MPPED2: variants seen among roughly 807,000 people sequenced by gnomAD.
The protein encoded by MPPED2 is metallophosphoesterase MPPED2.
Under a neutral mutation model 33.0 loss-of-function variants are expected in MPPED2, and 5 were observed. That is an observed-to-expected ratio of 0.15 (90% CI 0.08 to 0.32). MPPED2 has a LOEUF of 0.32. Ranked by LOEUF, MPPED2 falls within the 10% of genes least tolerant of loss-of-function variation. MPPED2 has a pLI of 1.00. For synonymous variants in MPPED2, 136 were observed against 141.9 expected (o/e 0.96, Z 0.29); for missense variants, 275 against 372.1 (o/e 0.74, Z 2.15).
At chr11:30,514,631 CAAGCA>C (rs1953421188) in intron 3 of MPPED2, among the ~76,000 whole-genome samples, 1 of 152,118 alleles carries the variant, frequency 6.6e-6, no homozygotes, top group South Asian at 2.1e-4. Flanking sequence ...GTGTTTCAAC[CAAGCA>C]AAGCTTTTTG....
intron 1 of MPPED2, among the ~76,000 whole-genome samples, chr11:30,582,351 G>A (rs1247011862): frequency 1.3e-5 from 2 of 152,202 alleles, no homozygotes; most frequent in African/African-American, 4.8e-5. Flanking sequence ...CACATTTTCA[G>A]ACTGTGAGAA....
chr11:30,523,185 A>G (rs1311178585), intron 3 of MPPED2, among the ~76,000 whole-genome samples: 1 of 152,214 alleles, frequency 6.6e-6, no homozygotes, highest in Non-Finnish European at 1.5e-5. Context: ...TAGTGAGTCC[A>G]GTGATAGACT....
At chr11:30,579,346 T>C (rs1957067067) in intron 2 of MPPED2, among the ~76,000 whole-genome samples, 1 of 152,164 alleles carries the variant, frequency 6.6e-6, no homozygotes, top group Non-Finnish European at 1.5e-5. Context: ...CCTTTCTATC[T>C]TGACTATACA....
At chr11:30,488,669 C>A (rs1030751928) in intron 4 of MPPED2, among the ~76,000 whole-genome samples, 15 of 152,156 alleles carry the variant, frequency 9.9e-5, no homozygotes, top group African/African-American at 3.4e-4. Context: ...GAATCTGATC[C>A]GGGCTTTAAG....
intron 3 of MPPED2, among the ~76,000 whole-genome samples, chr11:30,498,277 C>T (rs577854306): frequency 8.0e-4 from 122 of 152,074 alleles, no homozygotes; most frequent in Middle Eastern, 3.4e-3. Flanking sequence ...AAAATCCTTG[C>T]TCTGAATGAC....
chr11:30,412,021 G>C (rs1430248865), intron 6 of MPPED2, among the ~76,000 whole-genome samples: 1 of 151,752 alleles, frequency 6.6e-6, no homozygotes, highest in African/African-American at 2.4e-5. Flanking sequence ...GCAGGTGAGG[G>C]GGGAAAGGAT....
chr11:30,463,610 C>G (rs949456238), intron 4 of MPPED2, among the ~76,000 whole-genome samples: 1 of 152,116 alleles, frequency 6.6e-6, no homozygotes, highest in Non-Finnish European at 1.5e-5. Context: ...AGACAGCATG[C>G]CTGAGGATGG....
intron 4 of MPPED2, among the ~76,000 whole-genome samples, chr11:30,492,574 C>T (rs561583388): frequency 6.6e-6 from 1 of 152,260 alleles, no homozygotes; most frequent in South Asian, 2.1e-4. Flanking sequence ...TGCTCTGTCT[C>T]CTGCCCTTTA....
chr11:30,573,369 C>T (rs934900578), intron 2 of MPPED2, among the ~76,000 whole-genome samples: 2 of 152,132 alleles, frequency 1.3e-5, no homozygotes, highest in Non-Finnish European at 2.9e-5. Flanking sequence ...ATGACTCTAT[C>T]ACTGGTTTGC....
intron 4 of MPPED2, among the ~76,000 whole-genome samples, chr11:30,470,324 A>G (rs189396464): frequency 4.8e-4 from 73 of 152,290 alleles, no homozygotes; most frequent in East Asian, 2.9e-3. Context: ...TGAAGAATAT[A>G]TAAATTATAG....
At chr11:30,494,670 G>C (rs1394201563) in intron 4 of MPPED2, among the ~76,000 whole-genome samples, 1 of 140,194 alleles carries the variant, frequency 7.1e-6, no homozygotes, top group Non-Finnish European at 1.5e-5. Context: ...CCCAGGAGGC[G>C]GAGGTTGCAG....
chr11:30,501,698 A>T (rs1359555161), intron 3 of MPPED2: 1 of 712,992 alleles, frequency 1.4e-6, no homozygotes, highest in African/African-American at 1.9e-5. Flanking sequence ...AGGTGGGGTT[A>T]TTCTTCTATG....
intron 2 of MPPED2, among the ~76,000 whole-genome samples, chr11:30,577,158 C>T (rs548346833): frequency 4.6e-5 from 7 of 152,284 alleles, no homozygotes; most frequent in African/African-American, 1.7e-4. Context: ...CCTTAACCAT[C>T]ATTTGGTGCA....
At chr11:30,470,986 T>C (rs185202108) in intron 4 of MPPED2, among the ~76,000 whole-genome samples, 1 of 152,136 alleles carries the variant, frequency 6.6e-6, no homozygotes, top group Admixed American at 6.5e-5. Context: ...CCTGAGAAAA[T>C]CATCAAACGT....
rs140461615 is a variant in MPPED2, at chr11:30,451,795, C to T, written c.537-34162G>A. The T allele has an allele frequency of 1.6e-5, 16 of 985,238 alleles. No homozygotes were observed. The African/African-American group carries it at 1.9e-4, about 12-fold the overall frequency. The allele number at this position is 985,238 out of a possible 1,614,324, so 61.0% of individuals were successfully genotyped here. A position where few individuals can be genotyped will look rare whatever the true frequency, so the allele number is the denominator to read the frequency against. ...GGGAGGGGACATTTTCAGGTGTCTG[C>T]GAATGACTGCAGATTAATTTCACTG... On this transcript the variant is annotated intron_variant, in intron 4 of 6. Coordinates refer to ENST00000358117, the MANE Select transcript of MPPED2 (RefSeq NM_001584.3).
chr11:30,478,893 C>T lies in MPPED2; in HGVS notation c.536+16403G>A, dbSNP rs549636697. On this transcript the variant is annotated intron_variant, in intron 4 of 6. Coordinates refer to ENST00000358117, the MANE Select transcript of MPPED2 (RefSeq NM_001584.3). ...GTGTTGTGGGTTTTTTGTTGCTGTT[C>T]ACAATATGAGCAGGCTGTTTGACAG... Among the ~76,000 whole-genome samples the T allele has an allele frequency of 2.0e-5, 3 of 151,512 alleles. No individual in the cohort carries two copies. The South Asian group carries it at 6.2e-4, about 31-fold the overall frequency.
rs547761980 is a variant in MPPED2, at chr11:30,569,625, T to C, written c.128+10621A>G. Among the ~76,000 whole-genome samples the C allele has an allele frequency of 2.6e-5, 4 of 152,290 alleles. No individual in the cohort carries two copies. The South Asian group carries it at 8.3e-4, about 32-fold the overall frequency. On this transcript the variant is annotated intron_variant, in intron 2 of 6. Coordinates refer to ENST00000358117, the MANE Select transcript of MPPED2 (RefSeq NM_001584.3). ...AACCTTGGGAAATCACAACTTCAGA[T>C]AGTCTTACATCTCTCGAAAGTCAGT...
downstream of MPPED2, among the ~76,000 whole-genome samples, chr11:30,405,671 A>C (rs1464909867): frequency 6.6e-6 from 1 of 152,236 alleles, no homozygotes; most frequent in Non-Finnish European, 1.5e-5. Flanking sequence ...GGTTTCTTAC[A>C]CAGTCCAGTT....
intron 1 of MPPED2, chr11:30,584,456 A>AGC (rs1957359281): frequency 1.3e-5 from 2 of 152,358 alleles, no homozygotes; most frequent in Non-Finnish European, 2.9e-5. Flanking sequence ...CTGAAACACC[A>AGC]GCGCCTTACT....
Sources: gnomAD v4.1 joint callset for allele counts (sites outside exome capture counted in the v4.1 genomes callset) on GRCh38, gnomAD v4.1.1 for gene constraint, MANE v1.5 for transcripts, NCBI Gene and HGNC (gene_info 2026-07-23, HGNC 2026-07-21) for gene names.